Variants in SUCO observed in about 807,000 individuals in gnomAD.
The protein encoded by SUCO is SUN domain-containing ossification factor.
SUCO carries 57 observed loss-of-function variants against 148.1 expected under a neutral mutation model. The observed-to-expected ratio is 0.38, with a 90% CI of 0.31 to 0.48. SUCO has a LOEUF of 0.48. Ranked by LOEUF, SUCO falls within the 20% of genes least tolerant of loss-of-function variation. SUCO has a pLI of 0.96. For synonymous variants in SUCO, 470 were observed against 502.7 expected, an observed-to-expected ratio of 0.93 and a Z score of 0.87; for missense variants, 1,331 against 1,468.2, an observed-to-expected ratio of 0.91 and a Z score of 1.53.
chr1:172,602,351 A>T, intron 21 of SUCO, 133 bp downstream of exon 21: 6 of 1,411,796 alleles, frequency 4.2e-6, no homozygotes, highest in African/African-American at 1.4e-5. Context: ...CCAAAACATT[A>T]AAAACATCAT....
Position 172,555,874 on chromosome 1 carries a change from A to G in SUCO, c.294A>G (p.Thr98=), listed in dbSNP as rs1653710896. 6.2e-7 allele frequency: 1 copy of G among 1,609,388 alleles called. No individual in the cohort carries two copies. The highest frequency in any genetic ancestry group is 8.5e-7 in the Non-Finnish European group (1 of 1,177,512). ...TGACTTGTTTTTTTAAACAGAATAC[A>G]GAGTCAAAAAAGTTAAGTCCACCGG... ...KDDSIVDVQN[T]ESKKLSPPVV... Residue 98 remains threonine (T), a synonymous_variant, in exon 4 of 24, where the codon ACA becomes ACG. Coordinates refer to ENST00000263688, the MANE Select transcript of SUCO (RefSeq NM_014283.5).
intron 2 of SUCO, 192 bp downstream of exon 2, chr1:172,551,818 G>T: frequency 2.0e-6 from 1 of 503,864 alleles, no homozygotes; most frequent in Non-Finnish European, 3.5e-6. Context: ...TATTCTTGTT[G>T]CTTGTATTTG....
At chr1:172,605,317 A>C (rs780807111) in intron 22 of SUCO, among the ~76,000 whole-genome samples, 1 of 151,902 alleles carries the variant, frequency 6.6e-6, no homozygotes, top group African/African-American at 2.4e-5. Flanking sequence ...TCTTTAATCT[A>C]TTTTGTGTTG....
intron 1 of SUCO, among the ~76,000 whole-genome samples, chr1:172,534,952 T>A (rs1300037468): frequency 6.6e-6 from 1 of 152,242 alleles, no homozygotes; most frequent in African/African-American, 2.4e-5. Context: ...CACACCAGTA[T>A]CTCTGGCTTT....
intron 3 of SUCO, among the ~76,000 whole-genome samples, chr1:172,554,057 C>T (rs1653530629): frequency 6.6e-6 from 1 of 152,018 alleles, no homozygotes; most frequent in African/African-American, 2.4e-5. Flanking sequence ...AGAATTCTTT[C>T]TTTTTAAAAA....
At chr1:172,577,102 A>G (rs1018463220) in intron 11 of SUCO, 8 of 555,290 alleles carry the variant, frequency 1.4e-5, no homozygotes, top group Admixed American at 6.4e-5. Context: ...ACCAATATGT[A>G]TATGTGTAGA....
chr1:172,533,405 GC>G lies in SUCO; in HGVS notation c.-29del. The stretch of plus-strand genomic sequence containing the variant: ...GTGGCGGCTGCCGGGAGGATGTGCC[GC>G]CTTCTGGCAGGGGGAAGAAGGAGGA... On this transcript the variant is annotated 5_prime_UTR_variant, in exon 1 of 24. Transcript: ENST00000263688. 1 of 1,552,754 alleles carries G rather than the reference GC, an allele frequency of 6.4e-7. No individual in the cohort carries two copies. Among genetic ancestry groups the G allele is most frequent in the South Asian group, 1.2e-5 (1 of 84,160 alleles).
chr1:172,570,064 T>C lies in SUCO; in HGVS notation c.874T>C (p.Ser292Pro). ...EKEKSQSMHASSNGGSHATKK... is the reference protein window; with the variant it reads ...EKEKSQSMHAPSNGGSHATKK... The stretch of plus-strand genomic sequence containing the variant: ...GTCTGCAGGTCAGTCGATGCATGCA[T>C]CTTCTAATGGAGGTTCACATGCCAC... The change falls in exon 8 of 24, where the codon TCT (serine) becomes CCT (proline). Residue 292 changes from serine (S) to proline (P), a missense_variant. By Grantham distance (74) the Ser-to-Pro change is moderately conservative. Transcript: ENST00000263688. 6.4e-7 allele frequency: 1 copy of C among 1,566,396 alleles called. No homozygotes were observed. Among genetic ancestry groups the C allele is most frequent in the African/African-American group, 1.4e-5 (1 of 73,498 alleles).
chr1:172,559,833 T>C (rs1654013384), intron 6 of SUCO, among the ~76,000 whole-genome samples: 2 of 152,130 alleles, frequency 1.3e-5, no homozygotes, highest in Admixed American at 6.6e-5. Context: ...AGCACATTGG[T>C]GGGCTTGGCT....
chr1:172,593,855 A>C (rs548847964), intron 19 of SUCO, among the ~76,000 whole-genome samples: 1 of 152,326 alleles, frequency 6.6e-6, no homozygotes, highest in African/African-American at 2.4e-5. Flanking sequence ...GAATGGTACC[A>C]GCTCCTCTTT....
At chr1:172,532,936 C>A (rs561642272), upstream of SUCO, 17 of 1,360,860 alleles carry the variant, frequency 1.2e-5, no homozygotes, top group African/African-American at 2.2e-4. Context: ...TCTCCTGCCT[C>A]CGGCTTCTCC....
At chr1:172,600,314 G>T (rs1176533319) in intron 20 of SUCO, 146 bp downstream of exon 20, 2 of 624,376 alleles carry the variant, frequency 3.2e-6, no homozygotes, top group Non-Finnish European at 2.8e-6. Context: ...CCAGAATATG[G>T]CATTTTTAAG....
chr1:172,599,657 A>G (rs1657370747), intron 19 of SUCO, among the ~76,000 whole-genome samples: 1 of 152,236 alleles, frequency 6.6e-6, no homozygotes, highest in Non-Finnish European at 1.5e-5. Flanking sequence ...TATAACCAAA[A>G]AAATTCTTCA....
At position 172,573,935 on chromosome 1, in the gene SUCO, A is replaced by G; in HGVS notation, c.1094A>G (p.Asp365Gly). Residue 365 changes from aspartate (D) to glycine (G), a missense_variant, in exon 10 of 24, where the codon GAT (aspartate) becomes GGT (glycine). Transcript: ENST00000263688. Reference sequence around the variant, plus strand: ...GAACCAATTCAAGTAAAACAGCTTGATATTGCAAATTATGAATTATTTTCT... The same window carrying G: ...GAACCAATTCAAGTAAAACAGCTTGGTATTGCAAATTATGAATTATTTTCT... ...LCEPIQVKQL[D>G]IANYELFSST... 1 of 1,602,252 alleles carries G rather than the reference A, an allele frequency of 6.2e-7. No homozygotes were observed. Among genetic ancestry groups the G allele is most frequent in the Admixed American group, 1.7e-5 (1 of 59,372 alleles).
intron 17 of SUCO, 142 bp downstream of exon 17, chr1:172,586,090 A>G: frequency 1.9e-6 from 1 of 513,528 alleles, no homozygotes; most frequent in Non-Finnish European, 3.3e-6. Context: ...TTCTGTGGCC[A>G]CTTAGAAAAT....
chr1:172,589,179 A>G lies in SUCO; in HGVS notation c.2078A>G (p.Glu693Gly), dbSNP rs200119839. ...TTGGAAAATACGAATATAGAAAGGG[A>G]AGCTGAAACTGTTGTTCTGGGTGAT... ...GELENTNIER[E>G]AETVVLGDLS... The change falls in exon 18 of 24, where the codon GAA (glutamate) becomes GGA (glycine). Residue 693 changes from glutamate to glycine, a missense_variant. Transcript: ENST00000263688. 209 of 1,614,012 alleles carry G rather than the reference A, an allele frequency of 1.3e-4. 1 individual carries two copies. In the South Asian group the frequency reaches 2.2e-3, roughly 17 times the overall value.
intron 6 of SUCO, among the ~76,000 whole-genome samples, chr1:172,560,815 C>T (rs1167728475): frequency 6.6e-6 from 1 of 152,180 alleles, no homozygotes; most frequent in Non-Finnish European, 1.5e-5. Flanking sequence ...CCTCGGGAGT[C>T]AGGAGTGGTT....
At chr1:172,587,971 C>A (rs556731215) in intron 17 of SUCO, 2 of 503,922 alleles carry the variant, frequency 4.0e-6, no homozygotes, top group Admixed American at 6.4e-5. Context: ...CATACATACT[C>A]CACAGCCTCA....
intron 1 of SUCO, among the ~76,000 whole-genome samples, chr1:172,549,299 A>C (rs1653101429): frequency 6.6e-6 from 1 of 151,802 alleles, no homozygotes; most frequent in African/African-American, 2.4e-5. Flanking sequence ...GACAGACTCC[A>C]GTTTAGTTTT....
Sources: gnomAD v4.1 joint callset for allele counts (sites outside exome capture counted in the v4.1 genomes callset) on GRCh38, gnomAD v4.1.1 for gene constraint, MANE v1.5 for transcripts, NCBI Gene and HGNC (gene_info 2026-07-23, HGNC 2026-07-21) for gene names.